The following UTP6 variants were observed in gnomAD, a reference collection of about 807,000 sequenced individuals.
The protein encoded by UTP6 is UTP6 small subunit processome component, also known as U3 small nucleolar RNA-associated protein 6 homolog.
A neutral mutation model predicts 96.5 loss-of-function variants in UTP6; 60 were observed. The ratio of observed to expected loss-of-function variants is 0.62; its 90% CI spans 0.51 to 0.77. The LOEUF is 0.77. Among genes scored for constraint, UTP6 ranks in the 30% least tolerant of loss-of-function variants. UTP6 has a pLI of 0.00. For missense variants in UTP6, 637 were observed against 706.5 expected (o/e 0.90, Z 1.12); for synonymous variants, 215 against 240.1 (o/e 0.90, Z 0.96).
In UTP6 at chr17:31,873,653, T is replaced by G. The variant is rs1421994026; in HGVS notation, c.1386+20A>C. ...TCTGCCATTCCCCACACCACAAGAC[T>G]TGGAACACGGAGCCTATACCTTAAA... On this transcript the variant is annotated intron_variant, in intron 15 of 18. Coordinates refer to ENST00000261708, the MANE Select transcript of UTP6 (RefSeq NM_018428.3). 3.7e-6 allele frequency: 6 copies of G among 1,613,800 alleles called. No homozygotes were observed. The highest frequency in any genetic ancestry group is 5.1e-6 in the Non-Finnish European group (6 of 1,179,996).
chr17:31,885,585 C>T lies in UTP6; in HGVS notation c.703+395G>A, dbSNP rs141797157. Among the ~76,000 whole-genome samples the T allele has an allele frequency of 5.3e-3, 805 of 151,956 alleles. 4 individuals are homozygous for T. The highest frequency in any genetic ancestry group is 0.018 in the African/African-American group (767 of 41,482). ...CGGGCAGGTCACAAGGTCAGGAGTA[C>T]GAGACCAGCCTAGCCAACATAGTGA... On this transcript the variant is annotated intron_variant, in intron 9 of 18. Transcript: ENST00000261708.
At chr17:31,901,004 TAAACATA>T (rs1249831832) in intron 1 of UTP6, among the ~76,000 whole-genome samples, 1 of 152,180 alleles carries the variant, frequency 6.6e-6, no homozygotes, top group African/African-American at 2.4e-5. Flanking sequence ...TAAAAACTAT[TAAACATA>T]ATTTTAACAC....
intron 7 of UTP6, 59 bp downstream of exon 7, chr17:31,889,225 AT>A: frequency 1.5e-6 from 2 of 1,299,912 alleles, no homozygotes; most frequent in Non-Finnish European, 2.1e-6. Flanking sequence ...AAAAAAAAAT[AT>A]GTCTCCAGAG....
chr17:31,889,495 A>ATTTTTT, intron 6 of UTP6, 92 bp from the exon 7 acceptor site: 2 of 536,718 alleles, frequency 3.7e-6, no homozygotes, highest in African/African-American at 2.2e-5. Context: ...TACTCGCACA[A>ATTTTTT]TTTTTTTTTT....
At chr17:31,900,385 G>A (rs539721989) in intron 1 of UTP6, among the ~76,000 whole-genome samples, 13 of 151,834 alleles carry the variant, frequency 8.6e-5, no homozygotes, top group African/African-American at 3.1e-4. Flanking sequence ...TCGGCCTCCC[G>A]AGTTCAAGCG....
At chr17:31,889,836 G>C (rs1295794993) in intron 6 of UTP6, among the ~76,000 whole-genome samples, 1 of 151,984 alleles carries the variant, frequency 6.6e-6, no homozygotes, top group African/African-American at 2.4e-5. Flanking sequence ...TAACAAAAGG[G>C]GAAGCAGTTC....
intron 10 of UTP6, among the ~76,000 whole-genome samples, chr17:31,881,595 T>C (rs576530062): frequency 6.6e-6 from 1 of 152,212 alleles, no homozygotes; most frequent in South Asian, 2.1e-4. Flanking sequence ...ATTTATTGAG[T>C]TTCAGAATAT....
chr17:31,894,727 T>G lies in UTP6; in HGVS notation c.230A>C (p.Tyr77Ser), dbSNP rs994443622. 13 of 1,609,804 alleles carry G rather than the reference T, an allele frequency of 8.1e-6. No homozygotes were observed. Among genetic ancestry groups the G allele is most frequent in the African/African-American group, 1.3e-5 (1 of 74,868 alleles). Residue 77 changes from tyrosine to serine, a missense_variant, in exon 4 of 19, where the codon TAT becomes TCT. By Grantham distance (144) the Tyr-to-Ser change is moderately radical. Transcript: ENST00000261708. ...LIQRRRTRIG[Y>S]SFKKDEIENS... ...CTCAATCTCATCCTTCTTAAATGAA[T>G]ATCCAATGCGCTAAAGGGGGACATA...
chr17:31,866,203 C>T (rs1412439941), intron 17 of UTP6, among the ~76,000 whole-genome samples: 1 of 146,388 alleles, frequency 6.8e-6, no homozygotes, highest in Non-Finnish European at 1.5e-5. Context: ...AGGAGAACGG[C>T]GTGAACCTAG....
At chr17:31,871,952 G>T (rs1910194988) in intron 16 of UTP6, among the ~76,000 whole-genome samples, 2 of 151,724 alleles carry the variant, frequency 1.3e-5, no homozygotes, top group East Asian at 1.9e-4. Flanking sequence ...CCAACACTTA[G>T]GGAGGCCGAG....
At chr17:31,898,480 G>A (rs551092416) in intron 2 of UTP6, among the ~76,000 whole-genome samples, 4 of 151,526 alleles carry the variant, frequency 2.6e-5, no homozygotes, top group Admixed American at 6.6e-5. Flanking sequence ...AGCCGAGATC[G>A]CACCACTGCA....
At chr17:31,870,332 AT>A (rs1910079711) in intron 16 of UTP6, among the ~76,000 whole-genome samples, 1 of 152,068 alleles carries the variant, frequency 6.6e-6, no homozygotes, top group Admixed American at 6.6e-5. Flanking sequence ...AATATCTATA[AT>A]TTTATGACTT....
intron 16 of UTP6, among the ~76,000 whole-genome samples, chr17:31,871,281 C>T (rs891945252): frequency 5.9e-5 from 9 of 152,010 alleles, no homozygotes; most frequent in African/African-American, 1.7e-4. Context: ...CATGAGCCAC[C>T]GCACCCGGCC....
intron 8 of UTP6, 126 bp downstream of exon 8, chr17:31,887,110 G>C: frequency 1.3e-6 from 1 of 790,268 alleles, no homozygotes; most frequent in Non-Finnish European, 1.9e-6. Context: ...GTGACAGACC[G>C]AGACTCCGTC....
intron 11 of UTP6, among the ~76,000 whole-genome samples, chr17:31,880,021 G>A (rs967315888): frequency 6.6e-6 from 1 of 151,940 alleles, no homozygotes; most frequent in African/African-American, 2.4e-5. Flanking sequence ...CAGGACAATC[G>A]CTTGAACCTG....
intron 11 of UTP6, among the ~76,000 whole-genome samples, chr17:31,879,379 G>A (rs572683170): frequency 1.3e-5 from 2 of 151,824 alleles, no homozygotes; most frequent in African/African-American, 4.8e-5. Context: ...AACAGCGTGA[G>A]ACTCTGTCTC....
At chr17:31,894,114 C>T (rs1483244783) in intron 4 of UTP6, among the ~76,000 whole-genome samples, 1 of 151,260 alleles carries the variant, frequency 6.6e-6, no homozygotes, top group South Asian at 2.1e-4. Context: ...ACCAAAAATA[C>T]AAAAATTAGC....
At chr17:31,892,401 C>T in intron 5 of UTP6, 78 bp from the exon 6 acceptor site, 1 of 1,386,358 alleles carries the variant, frequency 7.2e-7, no homozygotes, top group Admixed American at 1.9e-5. Flanking sequence ...TGTACCCTAA[C>T]TTTACCAACT....
At chr17:31,879,640 C>T (rs1910709017) in intron 11 of UTP6, among the ~76,000 whole-genome samples, 1 of 151,948 alleles carries the variant, frequency 6.6e-6, no homozygotes, top group East Asian at 1.9e-4. Context: ...CCACTGCACT[C>T]CAGCCTGGGT....
Sources: allele counts gnomAD v4.1 joint callset (sites outside exome capture counted in the v4.1 genomes callset), GRCh38; gene constraint gnomAD v4.1.1; transcripts MANE v1.5; gene names NCBI Gene and HGNC (gene_info 2026-07-23, HGNC 2026-07-21).